The following KHDRBS1 variants were observed in gnomAD, a reference collection of about 807,000 sequenced individuals.
KHDRBS1 encodes the protein KH RNA binding domain containing, signal transduction associated 1.
Under a neutral mutation model 48.4 loss-of-function variants are expected in KHDRBS1, and 7 were observed. The observed-to-expected ratio is 0.14, with a 90% CI of 0.08 to 0.27. The LOEUF is 0.27. Among genes scored for constraint, KHDRBS1 ranks in the 10% least tolerant of loss-of-function variants. KHDRBS1 has a pLI of 1.00. For missense variants in KHDRBS1, 458 were observed against 601.2 expected, an observed-to-expected ratio of 0.76 and a Z score of 2.49; for synonymous variants, 241 against 235.8, an observed-to-expected ratio of 1.02 and a Z score of -0.20.
intron 10 of KHDRBS1, among the ~76,000 whole-genome samples, chr1:32,059,028 G>A (rs573905493): frequency 5.9e-5 from 9 of 151,782 alleles, no homozygotes; most frequent in East Asian, 1.9e-4. Flanking sequence ...ATGGTGGTGC[G>A]TGCCTGTAAT....
chr1:32,038,414 A>G (rs1639224370), intron 6 of KHDRBS1, 138 bp from the exon 7 acceptor site: 2 of 813,670 alleles, frequency 2.5e-6, no homozygotes, highest in Admixed American at 4.6e-5. Context: ...ACTATTCTAC[A>G]GTAGGCATTA....
chr1:32,015,865 G>A (rs1449026258), intron 1 of KHDRBS1, among the ~76,000 whole-genome samples: 1 of 152,170 alleles, frequency 6.6e-6, no homozygotes, highest in Non-Finnish European at 1.5e-5. Flanking sequence ...AGATAGAATA[G>A]TAGTATTTAA....
intron 10 of KHDRBS1, among the ~76,000 whole-genome samples, chr1:32,051,312 G>A (rs1471908575): frequency 6.6e-6 from 1 of 152,210 alleles, no homozygotes; most frequent in East Asian, 1.9e-4. Context: ...GTTAACCACA[G>A]ATGTATGTAG....
chr1:32,027,190 C>T (rs1245601681), intron 1 of KHDRBS1, among the ~76,000 whole-genome samples: 2 of 152,186 alleles, frequency 1.3e-5, no homozygotes, highest in Non-Finnish European at 1.5e-5. Context: ...CCTTGGCCTC[C>T]CAACGTGCTG....
At position 32,049,244 on chromosome 1, in the gene KHDRBS1, TG is replaced by T. The variant is rs1479217606; in HGVS notation, n.1301+3858del. Among the ~76,000 whole-genome samples the T allele has an allele frequency of 2.0e-5, 3 of 151,828 alleles. No homozygotes were observed. In the East Asian group the frequency reaches 5.8e-4, roughly 30 times the overall value. ...CTAATTTTTGTATTTTTGGTAGAGG[TG>T]GGGTTTCACCGTGTTGGCCAGGCTG... On this transcript the variant is annotated intron_variant and non_coding_transcript_variant, in intron 10 of 10. Transcript: ENST00000484270.
chr1:32,033,988 A>G (rs528686517), intron 4 of KHDRBS1, among the ~76,000 whole-genome samples: 2 of 152,324 alleles, frequency 1.3e-5, no homozygotes, highest in African/African-American at 4.8e-5. Context: ...TGGTTGGAAT[A>G]TTACTTTGAA....
At chr1:32,026,110 G>A (rs1197923350) in intron 1 of KHDRBS1, among the ~76,000 whole-genome samples, 2 of 151,580 alleles carry the variant, frequency 1.3e-5, no homozygotes, top group Admixed American at 1.3e-4. Context: ...TTAAAATTCT[G>A]ATTCTCTTTT....
downstream of KHDRBS1, among the ~76,000 whole-genome samples, chr1:32,046,338 C>T (rs778943488): frequency 1.4e-4 from 22 of 152,076 alleles, no homozygotes; most frequent in East Asian, 3.9e-4. Context: ...CTCAGCCTCC[C>T]GAGTACCTGG....
Position 32,031,750 on chromosome 1 carries a change from T to C in KHDRBS1, c.624+110T>C, listed in dbSNP as rs527445328. On this transcript the variant is annotated intron_variant, in intron 3 of 8. Transcript: ENST00000327300. ...AAGAATTTTGTATGTGTACAGAATG[T>C]GGCTCCTTTAAGTTTGCACTGGATG... The C allele has an allele frequency of 1.3e-3, 825 of 630,770 alleles. 5 individuals are homozygous for C. Among genetic ancestry groups the C allele is most frequent in the Non-Finnish European group, 3.4e-4 (125 of 364,934 alleles). 39.1% of individuals were successfully genotyped at this position (630,770 alleles called of 1,614,324 possible). A position where few individuals can be genotyped will look rare whatever the true frequency, so the allele number is the denominator to read the frequency against.
intron 10 of KHDRBS1, among the ~76,000 whole-genome samples, chr1:32,050,286 A>T (rs930237585): frequency 1.3e-5 from 2 of 152,138 alleles, no homozygotes; most frequent in Non-Finnish European, 2.9e-5. Flanking sequence ...TATATTCTGG[A>T]CGCTAAACTC....
intron 10 of KHDRBS1, among the ~76,000 whole-genome samples, chr1:32,057,509 G>C (rs145273343): frequency 0.02 from 3,028 of 148,040 alleles, 50 homozygotes; most frequent in Middle Eastern, 0.077. Context: ...TTTTTAAAGA[G>C]ATGAGGTCAG....
intron 1 of KHDRBS1, among the ~76,000 whole-genome samples, chr1:32,020,563 C>T (rs540807014): frequency 1.1e-4 from 16 of 149,666 alleles, no homozygotes; most frequent in Non-Finnish European, 1.5e-4. Context: ...TGGAAACAAA[C>T]CAAATGCCTC....
chr1:32,032,013 A>G (rs1639090089), intron 3 of KHDRBS1, among the ~76,000 whole-genome samples: 1 of 152,148 alleles, frequency 6.6e-6, no homozygotes, highest in Non-Finnish European at 1.5e-5. Flanking sequence ...CCTTTTTTGT[A>G]ACCTGGAAAA....
intron 4 of KHDRBS1, among the ~76,000 whole-genome samples, chr1:32,035,130 CT>C (rs1409333086): frequency 2.0e-5 from 3 of 152,086 alleles, no homozygotes; most frequent in African/African-American, 4.8e-5. Flanking sequence ...TTCCAAAGGA[CT>C]GCAGAGGGAA....
chr1:32,024,864 C>G (rs1197620442), intron 1 of KHDRBS1, among the ~76,000 whole-genome samples: 2 of 151,896 alleles, frequency 1.3e-5, no homozygotes, highest in Non-Finnish European at 2.9e-5. Context: ...ACTGGGGAGG[C>G]TGAGGTGGGA....
At chr1:32,049,491 G>C (rs111604167) in intron 10 of KHDRBS1, among the ~76,000 whole-genome samples, 5 of 149,572 alleles carry the variant, frequency 3.3e-5, no homozygotes, top group Non-Finnish European at 5.9e-5. Flanking sequence ...TTTATTCATT[G>C]ATCCATTGAC....
downstream of KHDRBS1, chr1:32,045,248 A>C (rs1639344146): frequency 6.6e-6 from 1 of 152,666 alleles, no homozygotes; most frequent in Non-Finnish European, 1.5e-5. Flanking sequence ...TGTAAACTGC[A>C]TGCAGGATCT....
At chr1:32,023,472 G>C (rs1432339749) in intron 1 of KHDRBS1, among the ~76,000 whole-genome samples, 4 of 152,204 alleles carry the variant, frequency 2.6e-5, no homozygotes, top group Non-Finnish European at 4.4e-5. Context: ...GAAGGCATTG[G>C]ATAAGATATG....
chr1:32,042,447 C>G, intron 8 of KHDRBS1, 80 bp from the exon 9 acceptor site: 1 of 864,520 alleles, frequency 1.2e-6, no homozygotes, highest in Non-Finnish European at 1.9e-6. Context: ...TTTTGGTGAT[C>G]TTTACTATGT....
Sources: gnomAD v4.1 joint callset for allele counts (sites outside exome capture counted in the v4.1 genomes callset) on GRCh38, gnomAD v4.1.1 for gene constraint, MANE v1.5 for transcripts, NCBI Gene and HGNC (gene_info 2026-07-23, HGNC 2026-07-21) for gene names.